The following ITGB4 variants were observed in gnomAD, a reference collection of about 807,000 sequenced individuals.
The protein encoded by ITGB4 is integrin subunit beta 4.
Under a neutral mutation model 207.6 loss-of-function variants are expected in ITGB4, and 159 were observed. That is an observed-to-expected ratio of 0.77 (90% CI 0.67 to 0.87). ITGB4 has a LOEUF of 0.87. Among genes scored for constraint, ITGB4 ranks in the 40% least tolerant of loss-of-function variants. The pLI is 0.00. For missense variants in ITGB4, 2,278 were observed against 2,546.8 expected (o/e 0.89, Z 2.27); for synonymous variants, 1,020 against 1,062.7 (o/e 0.96, Z 0.78).
chr17:75,740,643 C>A lies in ITGB4; in HGVS notation c.2551-150C>A. 1 of 1,030,548 alleles carries A rather than the reference C, an allele frequency of 9.7e-7. No homozygotes were observed. The highest frequency in any genetic ancestry group is 1.5e-6 in the Non-Finnish European group (1 of 670,168). 63.8% of individuals were successfully genotyped at this position (1,030,548 alleles called of 1,614,324 possible). On this transcript the variant is annotated intron_variant, in intron 21 of 39. Coordinates refer to ENST00000200181, the MANE Select transcript of ITGB4 (RefSeq NM_000213.5). The surrounding 1 kb of genome is among the most constrained non-coding windows in gnomAD (Gnocchi z 5.9). The stretch of plus-strand genomic sequence containing the variant: ...TTTCCAGAGGGCAGAAGGCCAGAGC[C>A]TGGGCCCAGGATGCTGCCCCACGGG...
At position 75,752,540 on chromosome 17, in the gene ITGB4, A is replaced by T; in HGVS notation, c.4071A>T (p.Pro1357=). The T allele has an allele frequency of 6.2e-7, 1 of 1,613,642 alleles. No individual in the cohort carries two copies. The highest frequency in any genetic ancestry group is 8.5e-7 in the Non-Finnish European group (1 of 1,180,014). Residue 1357 remains proline, a synonymous_variant, in exon 32 of 40, where the codon CCA becomes CCT. Coordinates refer to ENST00000200181, the MANE Select transcript of ITGB4 (RefSeq NM_000213.5). ...ACAGCGATGACGTTCTACGCTCTCCATCGGGCAGCCAGAGGCCCAGCGTCT... is the reference window on the plus strand; with the variant it reads ...ACAGCGATGACGTTCTACGCTCTCCTTCGGGCAGCCAGAGGCCCAGCGTCT... ...LMYSDDVLRS[P]SGSQRPSVSD...
intron 33 of ITGB4, chr17:75,754,358 G>A: frequency 1.6e-6 from 1 of 618,502 alleles, no homozygotes; most frequent in Non-Finnish European, 2.8e-6. Flanking sequence ...CACCGATAGA[G>A]TGGCCGGCCA....
Position 75,727,285 on chromosome 17 carries a change from C to T in ITGB4, c.162+8C>T, listed in dbSNP as rs368937384. On this transcript the variant is annotated splice_region_variant and intron_variant, in intron 3 of 39. Transcript: ENST00000200181. This position sits in a 1 kb window ranked among gnomAD's most constrained non-coding sequence, Gnocchi z 6.0. The stretch of plus-strand genomic sequence containing the variant: ...GCCTACTGCACAGACGAGGTGAGGA[C>T]CTGGCCCGGGTTGGTGTGGAACAGG... 1.3e-5 allele frequency: 21 copies of T among 1,613,718 alleles called. 2 individuals carry two copies. The South Asian group carries it at 1.9e-4, about 14-fold the overall frequency.
Position 75,756,555 on chromosome 17 carries a change from GTGAGGGTGTCATCACC to G in ITGB4, c.4836_4851del (p.Glu1613LeufsTer21). 1 of 1,613,184 alleles carries G rather than the reference GTGAGGGTGTCATCACC, an allele frequency of 6.2e-7. No individual in the cohort carries two copies. Among genetic ancestry groups the G allele is most frequent in the Middle Eastern group, 1.6e-4 (1 of 6,062 alleles). On this transcript the variant is annotated frameshift_variant, in exon 36 of 40. Coordinates refer to ENST00000200181, the MANE Select transcript of ITGB4 (RefSeq NM_000213.5). LOFTEE classifies it high-confidence loss of function. ...AGCCAGGAAGGCTGGGGCCGAGAGC[GTGAGGGTGTCATCACC>G]ATTGAATCCCAGGTGCACCCGCAGA...
At position 75,732,311 on chromosome 17, in the gene ITGB4, G is replaced by T; in HGVS notation, c.1454+72G>T. ...ATGGGAAAGCTGGGCTCCTGCAGGGGCCTGGCCCTGGGTGCACCTTGTACA... is the reference window on the plus strand; with the variant it reads ...ATGGGAAAGCTGGGCTCCTGCAGGGTCCTGGCCCTGGGTGCACCTTGTACA... On this transcript the variant is annotated intron_variant, in intron 12 of 39. Transcript: ENST00000200181. The surrounding 1 kb of genome is among the most constrained non-coding windows in gnomAD (Gnocchi z 5.3). 6.9e-7 allele frequency: 1 copy of T among 1,459,302 alleles called. No individual in the cohort carries two copies. The highest frequency in any genetic ancestry group is 9.6e-7 in the Non-Finnish European group (1 of 1,041,728). The allele number at this position is 1,459,302 out of a possible 1,614,324, so 90.4% of individuals were successfully genotyped here. A position where few individuals can be genotyped will look rare whatever the true frequency, so the allele number is the denominator to read the frequency against.
intron 16 of ITGB4, 51 bp from the exon 17 acceptor site, chr17:75,737,271 T>TG: frequency 6.4e-7 from 1 of 1,567,266 alleles, no homozygotes; most frequent in Non-Finnish European, 8.7e-7. Context: ...CTGGGTCCTC[T>TG]GGGGCGGAGG....
chr17:75,740,922 G>C lies in ITGB4; in HGVS notation c.2610-60G>C. ...GGGACTCCAGGAGCCGAAGCCCCCA[G>C]GCCGATCAGGCCTCCACTTCAGGGC... On this transcript the variant is annotated intron_variant, in intron 22 of 39. Coordinates refer to ENST00000200181, the MANE Select transcript of ITGB4 (RefSeq NM_000213.5). The surrounding 1 kb of genome is among the most constrained non-coding windows in gnomAD (Gnocchi z 5.9). 1 of 1,613,802 alleles carries C rather than the reference G, an allele frequency of 6.2e-7. No homozygotes were observed. Among genetic ancestry groups the C allele is most frequent in the African/African-American group, 1.3e-5 (1 of 75,052 alleles).
In ITGB4 at chr17:75,756,472, G is replaced by A. The variant is rs775475841; in HGVS notation, c.4752G>A (p.Ser1584=). The A allele has an allele frequency of 2.0e-5, 33 of 1,613,166 alleles. No homozygotes were observed. In the Admixed American group the frequency reaches 2.5e-4, roughly 12 times the overall value. ...RLNIPNPAQT[S]VVVEDLLPNH... is the part of the protein sequence containing the mutation. ...ACATCCCCAACCCTGCCCAGACCTC[G>A]GTGGTGGTGGAAGACCTCCTGCCCA... is the stretch of plus-strand genomic sequence containing the variant. The change falls in exon 36 of 40, where the codon TCG becomes TCA. Residue 1584 remains serine, a synonymous_variant. Transcript: ENST00000200181.
intron 5 of ITGB4, 93 bp from the exon 6 acceptor site, chr17:75,728,284 T>G: frequency 1.0e-6 from 1 of 999,782 alleles, no homozygotes; most frequent in Non-Finnish European, 1.6e-6. Context: ...AACCTCCCTC[T>G]TCCTCCCTTC....
intron 6 of ITGB4, 48 bp downstream of exon 6, chr17:75,728,521 T>G: frequency 7.2e-7 from 1 of 1,381,044 alleles, no homozygotes. Flanking sequence ...CCAGGCCATG[T>G]GACCCCCACT....
At chr17:75,756,362 CGAG>C in intron 35 of ITGB4, 64 bp from the exon 36 acceptor site, 7 of 1,569,880 alleles carry the variant, frequency 4.5e-6, no homozygotes, top group Non-Finnish European at 4.4e-6. Context: ...AGCTTAGGGA[CGAG>C]GAGGATCAGG....
At position 75,731,830 on chromosome 17, in the gene ITGB4, C is replaced by T. The variant is rs1331954498; in HGVS notation, c.1234C>T (p.Leu412=). Residue 412 remains leucine, a synonymous_variant, in exon 11 of 40, where the codon CTG becomes TTG. Coordinates refer to ENST00000200181, the MANE Select transcript of ITGB4 (RefSeq NM_000213.5). This position sits in a 1 kb window ranked among gnomAD's most constrained non-coding sequence, Gnocchi z 6.8. The part of the protein sequence containing the change: ...RGEVGIYQVQ[L]RALEHVDGTH... ...CCTGCAGGGTATATACCAGGTGCAG[C>T]TGCGGGCCCTTGAGCACGTGGATGG... 6.2e-7 allele frequency: 1 copy of T among 1,603,986 alleles called. No individual in the cohort carries two copies. The highest frequency in any genetic ancestry group is 1.1e-5 in the South Asian group (1 of 89,652).
chr17:75,730,157 C>G, intron 7 of ITGB4, 84 bp from the exon 8 acceptor site: 1 of 1,579,118 alleles, frequency 6.3e-7, no homozygotes, highest in Admixed American at 1.7e-5. Context: ...ATGTTGGGAC[C>G]CGCGTTCCCC....
At chr17:75,749,926 G>A (rs1388204151) in intron 27 of ITGB4, among the ~76,000 whole-genome samples, 185 bp from the exon 28 acceptor site, 3 of 152,192 alleles carry the variant, frequency 2.0e-5, no homozygotes, top group Non-Finnish European at 4.4e-5. Context: ...TGGGTCCTCC[G>A]CCAAGCTTGG....
chr17:75,753,894 C>G lies in ITGB4; in HGVS notation c.4238C>G (p.Pro1413Arg). The G allele has an allele frequency of 7.7e-7, 1 of 1,302,640 alleles. No individual in the cohort carries two copies. The highest frequency in any genetic ancestry group is 9.7e-7 in the Non-Finnish European group (1 of 1,031,060). 80.7% of individuals were successfully genotyped at this position (1,302,640 alleles called of 1,614,324 possible). ...GGGCGCTCCTCCGACGCCGAGGCGC[C>G]CCACGGGCCCCCGGACGACGGCGGC... is the stretch of plus-strand genomic sequence containing the variant. Reference protein sequence around the residue: ...SSGRSSDAEAPHGPPDDGGAG... With the variant: ...SSGRSSDAEARHGPPDDGGAG... Residue 1413 changes from proline (P) to arginine (R), a missense_variant, in exon 33 of 40, where the codon CCC (proline) becomes CGC (arginine). Transcript: ENST00000200181.
At chr17:75,734,383 G>A (rs879375458) in intron 13 of ITGB4, among the ~76,000 whole-genome samples, 5 of 151,894 alleles carry the variant, frequency 3.3e-5, no homozygotes, top group Admixed American at 1.3e-4. Flanking sequence ...TGATCTGCCC[G>A]CCTCAGCCTC....
chr17:75,745,836 G>C (rs1211028449), intron 26 of ITGB4, among the ~76,000 whole-genome samples: 1 of 152,072 alleles, frequency 6.6e-6, no homozygotes, highest in Admixed American at 6.6e-5. Flanking sequence ...CCGAGATCAT[G>C]CCACTGCACT....
At position 75,739,919 on chromosome 17, in the gene ITGB4, G is replaced by A. The variant is rs756905048; in HGVS notation, c.2294G>A (p.Arg765Gln). ...TTTAAGGAAGACCACTACATGCTGC[G>A]GGAGAACCTGATGGCCTCTGACCAC... ...VGFKEDHYMLRENLMASDHLD... is the reference protein window; with the variant it reads ...VGFKEDHYMLQENLMASDHLD... Residue 765 changes from arginine (R) to glutamine (Q), a missense_variant, in exon 20 of 40, where the codon CGG (arginine) becomes CAG (glutamine). Coordinates refer to ENST00000200181, the MANE Select transcript of ITGB4 (RefSeq NM_000213.5). This position sits in a 1 kb window ranked among gnomAD's most constrained non-coding sequence, Gnocchi z 5.4. 34 of 1,613,304 alleles carry A rather than the reference G, an allele frequency of 2.1e-5. No individual in the cohort carries two copies. Among genetic ancestry groups the A allele is most frequent in the East Asian group, 8.9e-5 (4 of 44,888 alleles).
rs559039014 is a variant in ITGB4, at chr17:75,737,461, G to A, written c.2113+17G>A. 62 of 1,553,178 alleles carry A rather than the reference G, an allele frequency of 4.0e-5. No individual in the cohort carries two copies. The highest frequency in any genetic ancestry group is 1.2e-4 in the East Asian group (5 of 41,008). ...AGAAGAAGGGTGAGCTGGTGGGGCC[G>A]GGCGCAGGGAGGGGGCGTGTGGCCA... On this transcript the variant is annotated intron_variant, in intron 17 of 39. Transcript: ENST00000200181.
Sources: allele counts gnomAD v4.1 joint callset (sites outside exome capture counted in the v4.1 genomes callset), GRCh38; gene constraint gnomAD v4.1.1; non-coding constraint Gnocchi (gnomAD v3.1); transcripts MANE v1.5; gene names NCBI Gene and HGNC (gene_info 2026-07-23, HGNC 2026-07-21).